Variants in CDCA3 observed in about 807,000 individuals in gnomAD.
CDCA3 encodes the protein cell division cycle-associated protein 3.
Under a neutral mutation model 29.1 loss-of-function variants are expected in CDCA3, and 16 were observed. That is an observed-to-expected ratio of 0.55 (90% CI 0.37 to 0.83). The LOEUF is 0.83. CDCA3 is among the 40% of genes least tolerant of loss of function. The pLI is 0.00. For synonymous variants in CDCA3, 88 were observed against 124.5 expected, an observed-to-expected ratio of 0.71 and a Z score of 1.95; for missense variants, 291 against 327.2, an observed-to-expected ratio of 0.89 and a Z score of 0.85.
In CDCA3 at chr12:6,850,006, T is replaced by C. The variant is rs1943801457; in HGVS notation, c.251-148A>G. The C allele has an allele frequency of 1.8e-6, 1 of 545,310 alleles. No individual in the cohort carries two copies. The highest frequency in any genetic ancestry group is 4.1e-5 in the Admixed American group (1 of 24,146). The allele number at this position is 545,310 out of a possible 1,614,324, so 33.8% of individuals were successfully genotyped here. ...GGAAATCAAGGTGAAAGGGAGCAAT[T>C]TTTTTTTTTTTTGAGATGGGGCTTG... On this transcript the variant is annotated intron_variant, in intron 3 of 5. Coordinates refer to ENST00000538862, the MANE Select transcript of CDCA3 (RefSeq NM_031299.7). This position sits in a 1 kb window ranked among gnomAD's most constrained non-coding sequence, Gnocchi z 4.7.
Position 6,849,434 on chromosome 12 carries a change from G to A in CDCA3, c.545-5C>T. ...TCCATCTATTGCGCATAGAACCTGG[G>A]GTGGGTAAGGCGTTAAAGCAAGGAC... On this transcript the variant is annotated splice_polypyrimidine_tract_variant and splice_region_variant and intron_variant, in intron 4 of 5. Transcript: ENST00000538862. This position sits in a 1 kb window ranked among gnomAD's most constrained non-coding sequence, Gnocchi z 5.2. The A allele has an allele frequency of 6.3e-7, 1 of 1,581,086 alleles. No homozygotes were observed. The highest frequency in any genetic ancestry group is 8.6e-7 in the Non-Finnish European group (1 of 1,162,616).
Position 6,849,254 on chromosome 12 carries a change from T to G in CDCA3, c.652-56A>C. On this transcript the variant is annotated intron_variant, in intron 5 of 5. Coordinates refer to ENST00000538862, the MANE Select transcript of CDCA3 (RefSeq NM_031299.7). This position sits in a 1 kb window ranked among gnomAD's most constrained non-coding sequence, Gnocchi z 5.2. ...GTTGCTGTTCAGAAGAGGGAAGATC[T>G]GGGTAAAAGGGTCTCCCACCCTCTA... is the stretch of plus-strand genomic sequence containing the variant. 6.2e-7 allele frequency: 1 copy of G among 1,608,542 alleles called. No individual in the cohort carries two copies. Among genetic ancestry groups the G allele is most frequent in the Non-Finnish European group, 8.5e-7 (1 of 1,176,312 alleles).
chr12:6,846,809 G>A (rs782486911), downstream of CDCA3: 12 of 1,595,706 alleles, frequency 7.5e-6, no homozygotes, highest in South Asian at 9.1e-5. Context: ...CTCTGGCCAC[G>A]ATAACAGGGT....
chr12:6,848,617 C>T (rs1487341877), downstream of CDCA3: 1 of 161,598 alleles, frequency 6.2e-6, no homozygotes, highest in East Asian at 1.8e-4. Flanking sequence ...GAGAGAGAGA[C>T]CTGAAAGTTA....
chr12:6,844,896 G>A (rs1191233457), downstream of CDCA3: 1 of 152,182 alleles, frequency 6.6e-6, no homozygotes, highest in Non-Finnish European at 1.5e-5. Context: ...CCCTTCTGTA[G>A]CATAATCACT....
At position 6,850,566 on chromosome 12, in the gene CDCA3, C is replaced by T. The variant is rs782668155; in HGVS notation, c.151G>A (p.Ala51Thr). 2.5e-6 allele frequency: 4 copies of T among 1,614,132 alleles called. No homozygotes were observed. The highest frequency in any genetic ancestry group is 8.5e-7 in the Non-Finnish European group (1 of 1,180,016). Reference sequence around the variant, plus strand: ...TTAAGACCCTCCAGTTGCTCCCCTGCTGGTAGGCCTGGCTGTGGAGAGCTC... The same window carrying T: ...TTAAGACCCTCCAGTTGCTCCCCTGTTGGTAGGCCTGGCTGTGGAGAGCTC... The part of the protein sequence containing the change: ...VESSPQPGLP[A>T]GEQLEGLKHA... Residue 51 changes from alanine to threonine, a missense_variant, in exon 3 of 6, where the codon GCA becomes ACA. Ala to Thr is a moderately conservative substitution (Grantham distance 58). Transcript: ENST00000538862. This position sits in a 1 kb window ranked among gnomAD's most constrained non-coding sequence, Gnocchi z 4.7.
intron 1 of CDCA3, 98 bp from the exon 2 acceptor site, chr12:6,851,107 C>G (rs1006054296): frequency 7.0e-7 from 1 of 1,419,460 alleles, no homozygotes; most frequent in African/African-American, 1.4e-5. Flanking sequence ...AAGAAACTTC[C>G]TGGCGAGGGA....
Position 6,850,168 on chromosome 12 carries a change from T to G in CDCA3, c.250+299A>C. The G allele has an allele frequency of 1.9e-6, 1 of 514,982 alleles. No homozygotes were observed. Among genetic ancestry groups the G allele is most frequent in the Non-Finnish European group, 3.5e-6 (1 of 287,308 alleles). The allele number at this position is 514,982 out of a possible 1,614,324, so 31.9% of individuals were successfully genotyped here. On this transcript the variant is annotated intron_variant, in intron 3 of 5. Transcript: ENST00000538862. This position sits in a 1 kb window ranked among gnomAD's most constrained non-coding sequence, Gnocchi z 4.7. ...GCCCATGCCACCGTGCTTTTGTGTG[T>G]GTGTGTGTGTGTTATGTGTGTGTAT... is the stretch of plus-strand genomic sequence containing the variant.
downstream of CDCA3, chr12:6,845,482 G>C: frequency 1.4e-6 from 1 of 735,208 alleles, no homozygotes; most frequent in South Asian, 1.6e-5. Flanking sequence ...GGGAGGCTGA[G>C]AGCAGCGGCT....
Position 6,850,429 on chromosome 12 carries a change from T to A in CDCA3, c.250+38A>T, listed in dbSNP as rs373307710. The stretch of plus-strand genomic sequence containing the variant: ...ATGGACCCTACCCAAGAATAATAGA[T>A]GACAGCTTCATCAGCATTCCCTGGG... On this transcript the variant is annotated intron_variant, in intron 3 of 5. Coordinates refer to ENST00000538862, the MANE Select transcript of CDCA3 (RefSeq NM_031299.7). The surrounding 1 kb of genome is among the most constrained non-coding windows in gnomAD (Gnocchi z 4.7). 3 of 1,612,978 alleles carry A rather than the reference T, an allele frequency of 1.9e-6. No homozygotes were observed. Among genetic ancestry groups the A allele is most frequent in the Non-Finnish European group, 2.5e-6 (3 of 1,179,288 alleles).
chr12:6,845,616 G>T, downstream of CDCA3: 1 of 1,612,910 alleles, frequency 6.2e-7, no homozygotes. Context: ...CATCTGCACG[G>T]GCTCGGATGA....
downstream of CDCA3, chr12:6,845,889 C>G: frequency 1.1e-6 from 1 of 908,254 alleles, no homozygotes; most frequent in Non-Finnish European, 1.8e-6. Flanking sequence ...CATCAGCTCC[C>G]ATTTCGGACT....
chr12:6,846,700 C>CT, downstream of CDCA3: 2 of 675,100 alleles, frequency 3.0e-6, no homozygotes. Context: ...CACACACACA[C>CT]CCACACACCC....
chr12:6,846,970 A>G, downstream of CDCA3: 1 of 844,316 alleles, frequency 1.2e-6, no homozygotes, highest in Non-Finnish European at 2.0e-6. Flanking sequence ...CATCTCATTC[A>G]GGTGTTCTCT....
rs1591598185 is a variant in CDCA3 at position 6,850,194 on chromosome 12, T to C, written c.250+273A>G. ...GTGTGTGTGTGTTATGTGTGTGTATTTTTTCTAGAGATGGGGTTTTGCCAT... is the reference window on the plus strand; with the variant it reads ...GTGTGTGTGTGTTATGTGTGTGTATCTTTTCTAGAGATGGGGTTTTGCCAT... On this transcript the variant is annotated intron_variant, in intron 3 of 5. Coordinates refer to ENST00000538862, the MANE Select transcript of CDCA3 (RefSeq NM_031299.7). The surrounding 1 kb of genome is among the most constrained non-coding windows in gnomAD (Gnocchi z 4.7). 3 of 518,896 alleles carry C rather than the reference T, an allele frequency of 5.8e-6. No individual in the cohort carries two copies. Among genetic ancestry groups the C allele is most frequent in the East Asian group, 6.7e-5 (2 of 30,004 alleles). The allele number at this position is 518,896 out of a possible 1,614,324, so 32.1% of individuals were successfully genotyped here.
chr12:6,849,925 A>G lies in CDCA3; in HGVS notation c.251-67T>C. The G allele has an allele frequency of 1.5e-6, 2 of 1,371,390 alleles. No individual in the cohort carries two copies. The highest frequency in any genetic ancestry group is 1.9e-6 in the Non-Finnish European group (2 of 1,029,510). 85.0% of individuals were successfully genotyped at this position (1,371,390 alleles called of 1,614,324 possible). A position where few individuals can be genotyped will look rare whatever the true frequency, so the allele number is the denominator to read the frequency against. Reference sequence around the variant, plus strand: ...CAACATTCAGCAAGGAGCAAAACATACAGAAACCCAGGACTCATGCCCAGG... The same window carrying G: ...CAACATTCAGCAAGGAGCAAAACATGCAGAAACCCAGGACTCATGCCCAGG... On this transcript the variant is annotated intron_variant, in intron 3 of 5. Transcript: ENST00000538862. This position sits in a 1 kb window ranked among gnomAD's most constrained non-coding sequence, Gnocchi z 5.2.
At chr12:6,848,709 A>C (rs1943753163), downstream of CDCA3, 5 of 295,254 alleles carry the variant, frequency 1.7e-5, no homozygotes, top group Non-Finnish European at 2.5e-5. Context: ...CCATAGGGAC[A>C]CCATGGTTAA....
downstream of CDCA3, chr12:6,845,527 G>A (rs1188893047): frequency 1.6e-5 from 19 of 1,198,542 alleles, no homozygotes; most frequent in Admixed American, 3.1e-4. Context: ...GCAGAGGGCG[G>A]GAGAGGCTGT....
downstream of CDCA3, chr12:6,845,469 G>C: frequency 1.5e-6 from 1 of 683,110 alleles, no homozygotes. Context: ...GGAGGGACAG[G>C]CAGGGAGGCT....
Sources: allele counts gnomAD v4.1 joint callset, GRCh38; gene constraint gnomAD v4.1.1; non-coding constraint Gnocchi (gnomAD v3.1); transcripts MANE v1.5; gene names NCBI Gene and HGNC (gene_info 2026-07-23, HGNC 2026-07-21).